Variants in KDM7A observed in about 807,000 individuals in gnomAD.
KDM7A encodes the protein lysine demethylase 7A.
Under a neutral mutation model 114.8 loss-of-function variants are expected in KDM7A, and 28 were observed. The ratio of observed to expected loss-of-function variants is 0.24; its 90% CI spans 0.18 to 0.33. The LOEUF is 0.33. Among genes scored for constraint, KDM7A ranks in the 10% least tolerant of loss-of-function variants. KDM7A has a pLI of 1.00. For missense variants in KDM7A, 942 were observed against 1,142.5 expected (o/e 0.82, Z 2.53); for synonymous variants, 423 against 397.8 (o/e 1.06, Z -0.75).
chr7:140,152,912 T>C (rs569597500), intron 1 of KDM7A, among the ~76,000 whole-genome samples: 3 of 151,834 alleles, frequency 2.0e-5, no homozygotes, highest in African/African-American at 7.3e-5. Context: ...CAGGCTGGAG[T>C]GCAATGGCAC....
intron 1 of KDM7A, among the ~76,000 whole-genome samples, chr7:140,162,115 C>T (rs1289854624): frequency 1.3e-5 from 2 of 152,062 alleles, no homozygotes; most frequent in Non-Finnish European, 2.9e-5. Context: ...GCAGACGGAT[C>T]ACCTGAGGTT....
intron 10 of KDM7A, among the ~76,000 whole-genome samples, chr7:140,112,740 A>T (rs1352829707): frequency 6.6e-6 from 1 of 152,248 alleles, no homozygotes; most frequent in Non-Finnish European, 1.5e-5. Context: ...TCCCTGTTCA[A>T]GAGCTCACAG....
In KDM7A at chr7:140,124,115, G is replaced by A. The variant is rs1018834598; in HGVS notation, c.1051+506C>T. 7.9e-5 allele frequency among the ~76,000 whole-genome samples: 12 copies of A among 151,232 alleles called. No individual in the cohort carries two copies. The East Asian group carries it at 2.3e-3, about 29-fold the overall frequency. Reference sequence around the variant, plus strand: ...GAAAATAATATGCTAAGTGAAAGAAGCTAGACGCAAAAGCCCACATATTGT... The same window carrying A: ...GAAAATAATATGCTAAGTGAAAGAAACTAGACGCAAAAGCCCACATATTGT... On this transcript the variant is annotated intron_variant, in intron 7 of 19. Transcript: ENST00000397560.
At chr7:140,095,056 C>A (rs1050487443) in intron 17 of KDM7A, among the ~76,000 whole-genome samples, 1 of 152,212 alleles carries the variant, frequency 6.6e-6, no homozygotes, top group East Asian at 1.9e-4. Flanking sequence ...CCATGTTGGT[C>A]AGGCTGGTCT....
In KDM7A at chr7:140,139,151, G is replaced by T. The variant is rs776980147; in HGVS notation, c.234C>A (p.Asp78Glu). ...CTGCACAGTTGGGACAGTGATACAG[G>T]TCAATGTCAACAGCATGATGTTCTT... Reference protein sequence around the residue: ...GVEEHHAVDIDLYHCPNCAVL... With the variant: ...GVEEHHAVDIELYHCPNCAVL... The change falls in exon 2 of 20, where the codon GAC becomes GAA. Residue 78 changes from aspartate (D) to glutamate (E), a missense_variant. Physicochemically the swap from Asp to Glu is conservative, Grantham distance 45. Coordinates refer to ENST00000397560, the MANE Select transcript of KDM7A (RefSeq NM_030647.2). 1 of 1,613,498 alleles carries T rather than the reference G, an allele frequency of 6.2e-7. No individual in the cohort carries two copies.
At chr7:140,144,594 G>A (rs1794319748) in intron 1 of KDM7A, among the ~76,000 whole-genome samples, 1 of 152,038 alleles carries the variant, frequency 6.6e-6, no homozygotes, top group South Asian at 2.1e-4. Context: ...GAGGTATGAG[G>A]AAAGGAAATA....
intron 2 of KDM7A, among the ~76,000 whole-genome samples, chr7:140,136,561 T>TAA (rs1471078017): frequency 4.6e-5 from 7 of 152,242 alleles, no homozygotes; most frequent in African/African-American, 1.4e-4. Flanking sequence ...TGTGGGCTGT[T>TAA]TTTTGATACC....
intron 15 of KDM7A, 23 bp downstream of exon 15, chr7:140,097,521 CA>C: frequency 7.9e-7 from 1 of 1,272,044 alleles, no homozygotes; most frequent in Non-Finnish European, 1.1e-6. Flanking sequence ...AAATAACGTA[CA>C]AGCCATGGGG....
At position 140,096,973 on chromosome 7, in the gene KDM7A, C is replaced by A; in HGVS notation, c.2091G>T (p.Lys697Asn). The change falls in exon 16 of 20, where the codon AAG (lysine) becomes AAT (asparagine). Residue 697 changes from lysine (K) to asparagine (N), a missense_variant. Physicochemically the swap from Lys to Asn is moderately conservative, Grantham distance 94. This residue lies in a region of KDM7A where 512 missense variants were observed against 576.6 expected (regional missense o/e 0.89). Transcript: ENST00000397560. ...EKKQEITSNFKEESNVMRNFL... is the reference protein window; with the variant it reads ...EKKQEITSNFNEESNVMRNFL... The stretch of plus-strand genomic sequence containing the variant: ...AGTTCCTCATCACATTAGATTCCTC[C>A]TTAAAGTTGGATGTTATTTCTTGTT... 6.2e-7 allele frequency: 1 copy of A among 1,613,198 alleles called. No individual in the cohort carries two copies. The highest frequency in any genetic ancestry group is 8.5e-7 in the Non-Finnish European group (1 of 1,179,292).
intron 12 of KDM7A, 53 bp downstream of exon 12, chr7:140,101,898 G>T: frequency 8.5e-7 from 1 of 1,173,056 alleles, no homozygotes; most frequent in South Asian, 1.3e-5. Flanking sequence ...TCCCTATAAA[G>T]ACTTTAAGGA....
intron 13 of KDM7A, among the ~76,000 whole-genome samples, chr7:140,099,421 T>C (rs757182423): frequency 6.6e-6 from 1 of 152,170 alleles, no homozygotes; most frequent in Non-Finnish European, 1.5e-5. Context: ...AGTTTTAAAC[T>C]CCTGGTCTCA....
At chr7:140,138,420 C>G (rs1055292925) in intron 2 of KDM7A, among the ~76,000 whole-genome samples, 1 of 152,176 alleles carries the variant, frequency 6.6e-6, no homozygotes, top group Non-Finnish European at 1.5e-5. Context: ...TCTGAAGCAT[C>G]TGTAAAAAGC....
chr7:140,174,670 G>C (rs1163200884), intron 1 of KDM7A, among the ~76,000 whole-genome samples: 1 of 151,902 alleles, frequency 6.6e-6, no homozygotes, highest in Non-Finnish European at 1.5e-5. Context: ...GCGCGATCTC[G>C]GCTCACTGCA....
chr7:140,148,648 T>C (rs1193064373), intron 1 of KDM7A, among the ~76,000 whole-genome samples: 1 of 152,196 alleles, frequency 6.6e-6, no homozygotes, highest in African/African-American at 2.4e-5. Flanking sequence ...GTTAATCGTT[T>C]TATACAATGT....
intron 3 of KDM7A, among the ~76,000 whole-genome samples, chr7:140,132,639 A>G (rs1434726951): frequency 6.6e-6 from 1 of 152,234 alleles, no homozygotes; most frequent in African/African-American, 2.4e-5. Context: ...TAGGGTATTT[A>G]ACACCACAAA....
intron 1 of KDM7A, among the ~76,000 whole-genome samples, chr7:140,153,109 C>A (rs185816736): frequency 1.3e-3 from 204 of 152,036 alleles, no homozygotes; most frequent in African/African-American, 4.8e-3. Flanking sequence ...CCGCCCACCT[C>A]GGCCTCCCAA....
intron 13 of KDM7A, among the ~76,000 whole-genome samples, 163 bp downstream of exon 13, chr7:140,099,736 G>A (rs974484254): frequency 6.6e-6 from 1 of 152,192 alleles, no homozygotes; most frequent in African/African-American, 2.4e-5. Context: ...CTGATGATAT[G>A]AGGTGCAACA....
At chr7:140,161,690 G>A (rs923697805) in intron 1 of KDM7A, among the ~76,000 whole-genome samples, 96 of 152,024 alleles carry the variant, frequency 6.3e-4, no homozygotes, top group Admixed American at 5.1e-3. Context: ...GGCTACAGGC[G>A]TGTGCCACCA....
rs1818008574 is a variant in KDM7A, at chr7:140,091,001, A to C, written c.*93T>G. On this transcript the variant is annotated 3_prime_UTR_variant, in exon 20 of 20. Transcript: ENST00000397560. ...CGGGCAGTGTTCTTACTATACACAC[A>C]AACTGCTCCAGGCAGGGGGACAGCG... 1.1e-6 allele frequency: 1 copy of C among 874,116 alleles called. No homozygotes were observed. Among genetic ancestry groups the C allele is most frequent in the Admixed American group, 1.9e-5 (1 of 53,400 alleles). 54.1% of individuals were successfully genotyped at this position (874,116 alleles called of 1,614,324 possible). A position where few individuals can be genotyped will look rare whatever the true frequency, so the allele number is the denominator to read the frequency against.
Sources: allele counts gnomAD v4.1 joint callset (sites outside exome capture counted in the v4.1 genomes callset), GRCh38; gene constraint gnomAD v4.1.1; regional missense constraint gnomAD v4.1.1; transcripts MANE v1.5; gene names NCBI Gene and HGNC (gene_info 2026-07-23, HGNC 2026-07-21).